The following MAML3 variants were observed in gnomAD, a reference collection of about 807,000 sequenced individuals.
The protein encoded by MAML3 is mastermind like transcriptional coactivator 3, also known as mastermind-like protein 3.
MAML3 carries 27 observed loss-of-function variants against 101.9 expected under a neutral mutation model. The ratio of observed to expected loss-of-function variants is 0.27; its 90% CI spans 0.20 to 0.37. The LOEUF is 0.37. Ranked by LOEUF, MAML3 falls within the 10% of genes least tolerant of loss-of-function variation. The pLI, the probability that MAML3 is intolerant of heterozygous loss-of-function variation, is 1.00. For synonymous variants in MAML3, 501 were observed against 555.9 expected, an observed-to-expected ratio of 0.90 and a Z score of 1.39; for missense variants, 1,316 against 1,444.9, an observed-to-expected ratio of 0.91 and a Z score of 1.45.
At chr4:139,943,615 T>A (rs576535348) in intron 1 of MAML3, among the ~76,000 whole-genome samples, 1 of 152,268 alleles carries the variant, frequency 6.6e-6, no homozygotes, top group East Asian at 1.9e-4. Context: ...TTGGCTAAAA[T>A]GCAAATAGAA....
At chr4:139,850,694 C>T (rs1208472387) in intron 2 of MAML3, among the ~76,000 whole-genome samples, 7 of 152,116 alleles carry the variant, frequency 4.6e-5, no homozygotes, top group Non-Finnish European at 7.4e-5. Context: ...GTGCATACCA[C>T]GAAGCCCGGC....
chr4:139,890,800 C>A lies in MAML3; in HGVS notation c.636G>T (p.Leu212=). The A allele has an allele frequency of 1.9e-6, 3 of 1,614,026 alleles. No homozygotes were observed. Among genetic ancestry groups the A allele is most frequent in the Non-Finnish European group, 2.5e-6 (3 of 1,179,886 alleles). Residue 212 remains leucine, a synonymous_variant, in exon 2 of 5, where the codon CTG becomes CTT. Coordinates refer to ENST00000509479, the MANE Select transcript of MAML3 (RefSeq NM_018717.5). This position sits in a 1 kb window ranked among gnomAD's most constrained non-coding sequence, Gnocchi z 4.1. ...GTTGGTGAAGAGGAGAAGCTGAAGG[C>A]AGTGGCATGTTACTGGGCAAATTGT... ...AINNLPSNMP[L]PSASPLHQLD...
At chr4:140,148,148 G>T (rs1056635863) in intron 1 of MAML3, among the ~76,000 whole-genome samples, 1 of 152,106 alleles carries the variant, frequency 6.6e-6, no homozygotes, top group African/African-American at 2.4e-5. Context: ...CCTATCAGGT[G>T]GCAGAAATCC....
chr4:140,099,142 ATC>A (rs1728212805), intron 1 of MAML3, among the ~76,000 whole-genome samples: 1 of 152,074 alleles, frequency 6.6e-6, no homozygotes, highest in Non-Finnish European at 1.5e-5. Context: ...GTACTTTTTG[ATC>A]TGTTACATTC....
chr4:139,744,617 T>A (rs943086028), intron 2 of MAML3, among the ~76,000 whole-genome samples: 66 of 152,320 alleles, frequency 4.3e-4, no homozygotes, highest in Middle Eastern at 3.4e-3. Context: ...GAAAAACTTT[T>A]ATTGCTCAAG....
chr4:139,994,072 T>A (rs987900995), intron 1 of MAML3, among the ~76,000 whole-genome samples: 1 of 152,250 alleles, frequency 6.6e-6, no homozygotes, highest in African/African-American at 2.4e-5. Context: ...TATCCAATTG[T>A]TCCTGATGAA....
intron 2 of MAML3, among the ~76,000 whole-genome samples, chr4:139,818,286 GTCC>G (rs1393195706): frequency 6.6e-6 from 1 of 152,182 alleles, no homozygotes; most frequent in African/African-American, 2.4e-5. Context: ...CACAGCACCT[GTCC>G]TCATCATGGG....
chr4:140,037,062 C>A (rs6536652), intron 1 of MAML3, among the ~76,000 whole-genome samples: 1 of 152,022 alleles, frequency 6.6e-6, no homozygotes, highest in African/African-American at 2.4e-5. Flanking sequence ...GGAAATAGAA[C>A]TAAAAGACTT....
At chr4:139,962,191 A>G (rs946021118) in intron 1 of MAML3, among the ~76,000 whole-genome samples, 1 of 151,932 alleles carries the variant, frequency 6.6e-6, no homozygotes, top group African/African-American at 2.4e-5. Context: ...TGTTAAACCT[A>G]TAACTTTCTC....
rs186014770 is a variant in MAML3, at chr4:139,853,763, C to T, written c.2079+35594G>A. On this transcript the variant is annotated intron_variant, in intron 2 of 4. Coordinates refer to ENST00000509479, the MANE Select transcript of MAML3 (RefSeq NM_018717.5). ...GGGAGTGGAGAGGGGTGTTTAAATACCAGCTCTGCTTTTTACCAGCTATGA... is the reference window on the plus strand; with the variant it reads ...GGGAGTGGAGAGGGGTGTTTAAATATCAGCTCTGCTTTTTACCAGCTATGA... Among the ~76,000 whole-genome samples, 224 of 152,204 alleles carry T rather than the reference C, an allele frequency of 1.5e-3. 1 individual carries two copies. Among genetic ancestry groups the T allele is most frequent in the Non-Finnish European group, 1.6e-3 (111 of 68,000 alleles).
At chr4:139,933,655 G>T (rs1283331433) in intron 1 of MAML3, among the ~76,000 whole-genome samples, 2 of 152,206 alleles carry the variant, frequency 1.3e-5, no homozygotes, top group Non-Finnish European at 2.9e-5. Context: ...CAACATGGTG[G>T]AGTCTGTCAC....
At chr4:139,918,368 C>A (rs114106993) in intron 1 of MAML3, among the ~76,000 whole-genome samples, 5 of 152,136 alleles carry the variant, frequency 3.3e-5, no homozygotes, top group African/African-American at 1.2e-4. Context: ...CTGGCCTCTC[C>A]GAGGGCTCTT....
At chr4:139,780,824 T>G (rs904753627) in intron 2 of MAML3, among the ~76,000 whole-genome samples, 1 of 152,018 alleles carries the variant, frequency 6.6e-6, no homozygotes, top group African/African-American at 2.4e-5. Context: ...GAGACGGGTT[T>G]TACAATGTTG....
chr4:139,787,246 C>T (rs1730323307), intron 2 of MAML3, among the ~76,000 whole-genome samples: 1 of 152,188 alleles, frequency 6.6e-6, no homozygotes, highest in Non-Finnish European at 1.5e-5. Flanking sequence ...TTCTGTGCCC[C>T]TTAATCAAAT....
At chr4:139,731,132 G>A (rs1486163742) in intron 2 of MAML3, 1 of 167,222 alleles carries the variant, frequency 6.0e-6, no homozygotes, top group East Asian at 1.6e-4. Flanking sequence ...GAAAACTGCA[G>A]GAATTTGTTA....
At chr4:140,011,744 C>T (rs1726568120) in intron 1 of MAML3, among the ~76,000 whole-genome samples, 1 of 152,186 alleles carries the variant, frequency 6.6e-6, no homozygotes, top group African/African-American at 2.4e-5. Flanking sequence ...CATCTAACCT[C>T]TCTGCCTGTT....
At chr4:139,741,462 G>T (rs1167655347) in intron 2 of MAML3, among the ~76,000 whole-genome samples, 2 of 152,138 alleles carry the variant, frequency 1.3e-5, no homozygotes, top group Admixed American at 1.3e-4. Flanking sequence ...GCTTTAAATT[G>T]TGCCCTGAGC....
At chr4:139,829,454 G>A (rs1007345489) in intron 2 of MAML3, among the ~76,000 whole-genome samples, 1 of 152,106 alleles carries the variant, frequency 6.6e-6, no homozygotes, top group Non-Finnish European at 1.5e-5. Flanking sequence ...AAATCGCAGC[G>A]GATGTTATGA....
At chr4:139,725,859 G>T (rs1728451715) in intron 3 of MAML3, 24 bp from the exon 4 acceptor site, 1 of 1,596,956 alleles carries the variant, frequency 6.3e-7, no homozygotes. Context: ...ACACAAGAGG[G>T]GTGGAGAGGT....
Sources: allele counts gnomAD v4.1 joint callset (sites outside exome capture counted in the v4.1 genomes callset), GRCh38; gene constraint gnomAD v4.1.1; non-coding constraint Gnocchi (gnomAD v3.1); transcripts MANE v1.5; gene names NCBI Gene and HGNC (gene_info 2026-07-23, HGNC 2026-07-21).